CEP128: variants seen among roughly 807,000 people sequenced by gnomAD.
CEP128 encodes centrosomal protein 128.
In CEP128, 132 loss-of-function variants were observed where a neutral mutation model predicts 156.7. The observed-to-expected ratio is 0.84, with a 90% CI of 0.73 to 0.97. The LOEUF (loss-of-function observed/expected upper bound fraction) is 0.97. CEP128 is among the 50% of genes least tolerant of loss of function. The pLI, the probability that CEP128 is intolerant of heterozygous loss-of-function variation, is 0.00. For missense variants in CEP128, 1,252 were observed against 1,281.9 expected (o/e 0.98, Z 0.36); for synonymous variants, 469 against 448.9 (o/e 1.04, Z -0.57).
chr14:80,897,686 C>T (rs567062572), intron 7 of CEP128, among the ~76,000 whole-genome samples: 20 of 152,288 alleles, frequency 1.3e-4, no homozygotes, highest in South Asian at 4.1e-4. Context: ...TTCAAACAAA[C>T]CCCTGTCCAT....
At chr14:80,955,853 G>T in intron 2 of CEP128, 1 of 1,614,162 alleles carries the variant, frequency 6.2e-7, no homozygotes, top group African/African-American at 1.3e-5. Flanking sequence ...CAGACTCTGT[G>T]AGTACCCGGG....
chr14:80,601,179 G>GA (rs1392730749), intron 19 of CEP128, among the ~76,000 whole-genome samples: 3 of 151,906 alleles, frequency 2.0e-5, no homozygotes, highest in South Asian at 2.1e-4. Context: ...GAAATTGAGG[G>GA]AAAAAAAGAC....
intron 19 of CEP128, among the ~76,000 whole-genome samples, chr14:80,587,195 GA>G (rs1891855480): frequency 6.6e-6 from 1 of 152,108 alleles, no homozygotes; most frequent in Admixed American, 6.5e-5. Context: ...ACATTATTTA[GA>G]ACTCTGCCAT....
intron 19 of CEP128, among the ~76,000 whole-genome samples, chr14:80,689,744 T>C (rs906778957): frequency 6.6e-6 from 1 of 152,202 alleles, no homozygotes; most frequent in East Asian, 1.9e-4. Context: ...TATAACAGGC[T>C]TATTACATTA....
chr14:80,675,636 A>G lies in CEP128; in HGVS notation c.2806+67439T>C, dbSNP rs371534342. ...TTGTAGGAATTCATTTGTTCTTGAT[A>G]ATAATCATAAGTAGGTTATATTTTA... On this transcript the variant is annotated intron_variant, in intron 19 of 24. Coordinates refer to ENST00000555265, the MANE Select transcript of CEP128 (RefSeq NM_152446.5). Among the ~76,000 whole-genome samples, 21 of 152,182 alleles carry G rather than the reference A, an allele frequency of 1.4e-4. No individual in the cohort carries two copies. In the East Asian group the frequency reaches 3.5e-3, roughly 25 times the overall value.
intron 23 of CEP128, among the ~76,000 whole-genome samples, chr14:80,515,474 C>G (rs1364365403): frequency 6.6e-6 from 1 of 152,198 alleles, no homozygotes; most frequent in Non-Finnish European, 1.5e-5. Context: ...TCTGTGACCA[C>G]CATAGCCCCA....
At chr14:80,820,639 G>A (rs327454) in intron 13 of CEP128, among the ~76,000 whole-genome samples, 3 of 151,940 alleles carry the variant, frequency 2.0e-5, no homozygotes, top group African/African-American at 7.3e-5. Context: ...ACTTGCCTCC[G>A]CAACAAAATA....
chr14:80,716,008 G>A (rs1303038669), intron 19 of CEP128, among the ~76,000 whole-genome samples: 1 of 152,154 alleles, frequency 6.6e-6, no homozygotes, highest in East Asian at 1.9e-4. Context: ...ATAAATAACT[G>A]GATGAATGTA....
chr14:80,811,387 A>G (rs1028219324), intron 13 of CEP128, among the ~76,000 whole-genome samples: 6 of 152,122 alleles, frequency 3.9e-5, no homozygotes, highest in African/African-American at 1.4e-4. Flanking sequence ...ACTAATTTAC[A>G]TTCCCACCAA....
At chr14:80,682,841 C>T (rs936701058) in intron 19 of CEP128, among the ~76,000 whole-genome samples, 87 of 152,158 alleles carry the variant, frequency 5.7e-4, no homozygotes, top group African/African-American at 1.9e-3. Context: ...TTCTGCCAAA[C>T]TAAGTTTCAT....
At chr14:80,867,757 A>C (rs947176171) in intron 8 of CEP128, among the ~76,000 whole-genome samples, 1 of 152,200 alleles carries the variant, frequency 6.6e-6, no homozygotes, top group African/African-American at 2.4e-5. Flanking sequence ...TGGAAGTCCC[A>C]GAAGGAGCAA....
intron 13 of CEP128, among the ~76,000 whole-genome samples, chr14:80,812,711 C>T (rs1016098704): frequency 3.3e-5 from 5 of 152,072 alleles, no homozygotes; most frequent in Admixed American, 1.3e-4. Flanking sequence ...ATTACAGGCA[C>T]GTGCCACCAC....
chr14:80,749,842 T>C (rs1261408964), intron 18 of CEP128, among the ~76,000 whole-genome samples: 2 of 152,232 alleles, frequency 1.3e-5, no homozygotes, highest in Non-Finnish European at 2.9e-5. Context: ...ATGTGATCAT[T>C]ATACATTGCA....
intron 20 of CEP128, among the ~76,000 whole-genome samples, chr14:80,566,674 A>C (rs1890922406): frequency 6.6e-6 from 1 of 152,244 alleles, no homozygotes; most frequent in African/African-American, 2.4e-5. Flanking sequence ...TCTATACATC[A>C]AATACTCCAG....
intron 19 of CEP128, among the ~76,000 whole-genome samples, chr14:80,648,825 G>T (rs993878774): frequency 6.6e-6 from 1 of 151,994 alleles, no homozygotes; most frequent in Non-Finnish European, 1.5e-5. Flanking sequence ...GCTTGCCTCT[G>T]TGACCTTATA....
chr14:80,874,616 T>C (rs558902314), intron 8 of CEP128, among the ~76,000 whole-genome samples: 1 of 152,232 alleles, frequency 6.6e-6, no homozygotes, highest in East Asian at 1.9e-4. Flanking sequence ...ATTTTAAATA[T>C]AGTTTGTTTG....
chr14:80,804,575 A>G (rs1884063630), intron 13 of CEP128, among the ~76,000 whole-genome samples: 1 of 152,194 alleles, frequency 6.6e-6, no homozygotes, highest in African/African-American at 2.4e-5. Context: ...AAAATATTGA[A>G]TGAATATAAA....
chr14:80,499,210 C>T (rs1242906933), intron 24 of CEP128, among the ~76,000 whole-genome samples: 2 of 152,172 alleles, frequency 1.3e-5, no homozygotes, highest in African/African-American at 2.4e-5. Flanking sequence ...GGACAGGTTA[C>T]ATATGAAGCA....
At chr14:80,822,446 G>A (rs1885238933) in intron 13 of CEP128, 2 of 499,622 alleles carry the variant, frequency 4.0e-6, no homozygotes, top group Admixed American at 4.7e-5. Flanking sequence ...GTGAAGAAGA[G>A]GCGAGAACGA....
Sources: allele counts gnomAD v4.1 joint callset (sites outside exome capture counted in the v4.1 genomes callset), GRCh38; gene constraint gnomAD v4.1.1; transcripts MANE v1.5; gene names NCBI Gene and HGNC (gene_info 2026-07-23, HGNC 2026-07-21).